Variants in SASH3 observed in about 807,000 individuals in gnomAD.
SASH3 encodes the protein SAM and SH3 domain containing 3.
In SASH3, 7 loss-of-function variants were observed where a neutral mutation model predicts 26.1. The observed-to-expected ratio is 0.27, with a 90% CI of 0.15 to 0.50. The LOEUF is 0.50. Ranked by LOEUF, SASH3 falls within the 20% of genes least tolerant of loss-of-function variation. SASH3 has a pLI of 0.98. For synonymous variants in SASH3, 138 were observed against 136.8 expected, an observed-to-expected ratio of 1.01 and a Z score of -0.06; for missense variants, 231 against 318.3, an observed-to-expected ratio of 0.73 and a Z score of 2.09.
chrX:129,793,222 C>T, intron 7 of SASH3, 83 bp downstream of exon 7: 5 of 1,049,016 alleles, frequency 4.8e-6, no homozygotes, highest in Non-Finnish European at 6.6e-6. Context: ...GCCTTGCCTT[C>T]TGTCCACGCT....
chrX:129,783,862 C>T (rs770222164), intron 1 of SASH3, among the ~76,000 whole-genome samples: 1 of 111,622 alleles, frequency 9.0e-6, no homozygotes, highest in Non-Finnish European at 1.9e-5. Flanking sequence ...CAGTGTGGAC[C>T]TCTGAGAGAT....
chrX:129,793,596 C>T lies in SASH3; in HGVS notation c.953-46C>T, dbSNP rs986672361. ...TGCCTATGGTGTATTTCCCAAGGTC[C>T]CTACCTCCACCCCCATATTCTGTCT... On this transcript the variant is annotated intron_variant, in intron 7 of 7. Coordinates refer to ENST00000356892, the MANE Select transcript of SASH3 (RefSeq NM_018990.4). 2.6e-6 allele frequency: 3 copies of T among 1,173,288 alleles called. No individual in the cohort carries two copies. In the African/African-American group the frequency reaches 5.3e-5, roughly 21 times the overall value.
At chrX:129,792,035 T>C (rs749294945) in intron 4 of SASH3, among the ~76,000 whole-genome samples, 1 of 111,824 alleles carries the variant, frequency 8.9e-6, no homozygotes, top group South Asian at 3.7e-4. Flanking sequence ...GTTGGCCCAG[T>C]TGTTCTCTAG....
chrX:129,794,849 A>G lies in SASH3; in HGVS notation c.*1017A>G, dbSNP rs912147602. The G allele has an allele frequency of 1.8e-5, 2 of 111,508 alleles. No individual in the cohort carries two copies. The highest frequency in any genetic ancestry group is 3.8e-5 in the Non-Finnish European group (2 of 53,078). The allele number at this position is 111,508 out of a possible 1,213,427, so 9.2% of individuals were successfully genotyped here. Reference sequence around the variant, plus strand: ...GTTGGCCACTTGTGTGGGTCCTCACAAGCAAAGAGAGCACTAAACTTGACA... The same window carrying G: ...GTTGGCCACTTGTGTGGGTCCTCACGAGCAAAGAGAGCACTAAACTTGACA... On this transcript the variant is annotated 3_prime_UTR_variant, in exon 8 of 8. Coordinates refer to ENST00000356892, the MANE Select transcript of SASH3 (RefSeq NM_018990.4).
chrX:129,788,367 G>A, intron 2 of SASH3, 64 bp from the exon 3 acceptor site: 3 of 1,163,853 alleles, frequency 2.6e-6, no homozygotes, highest in Non-Finnish European at 3.5e-6. Context: ...GGCCTCTTTT[G>A]CCTCAAGTCC....
chrX:129,785,880 C>T (rs894761057), intron 1 of SASH3, among the ~76,000 whole-genome samples: 2 of 112,724 alleles, frequency 1.8e-5, no homozygotes, highest in East Asian at 2.8e-4. Context: ...ACCCTCTCTC[C>T]GTTCCCTCTT....
At chrX:129,780,412 G>GA (rs1235331483) in intron 1 of SASH3, among the ~76,000 whole-genome samples, 3 of 111,748 alleles carry the variant, frequency 2.7e-5, no homozygotes, top group African/African-American at 9.8e-5. Flanking sequence ...AGAAGAATGG[G>GA]AAAAAAGATC....
chrX:129,784,771 C>G (rs1927077679), intron 1 of SASH3, among the ~76,000 whole-genome samples: 1 of 110,857 alleles, frequency 9.0e-6, no homozygotes. Context: ...CCCTGCCTGT[C>G]ACTACATGCC....
intron 2 of SASH3, 67 bp downstream of exon 2, chrX:129,788,137 G>GGGGGGGGGCCCGGC: frequency 2.8e-6 from 1 of 354,276 alleles, no homozygotes; most frequent in Admixed American, 3.5e-5. Context: ...GGGTGGGAGG[G>GGGGGGGGGCCCGGC]AAGAGGGTGA....
chrX:129,787,228 C>T (rs1347199319), intron 1 of SASH3, among the ~76,000 whole-genome samples: 5 of 112,271 alleles, frequency 4.5e-5, no homozygotes, highest in African/African-American at 6.5e-5. Flanking sequence ...ATAGGTCATG[C>T]CTAAAAGTCC....
chrX:129,780,062 G>A lies in SASH3; in HGVS notation c.-36G>A. ...AGAGGCCTCTGCATCTTGACACCTA[G>A]GAGAGCAGGGACGGAGTCTCCCAGG... is the stretch of plus-strand genomic sequence containing the variant. On this transcript the variant is annotated 5_prime_UTR_variant, in exon 1 of 8. The change abolishes the stop of an existing upstream ORF in the 5' untranslated region. Coordinates refer to ENST00000356892, the MANE Select transcript of SASH3 (RefSeq NM_018990.4). 8.3e-7 allele frequency: 1 copy of A among 1,201,244 alleles called. No homozygotes were observed. Among genetic ancestry groups the A allele is most frequent in the Non-Finnish European group, 1.1e-6 (1 of 886,301 alleles).
chrX:129,790,494 A>G (rs1367209679), intron 3 of SASH3, among the ~76,000 whole-genome samples: 2 of 108,712 alleles, frequency 1.8e-5, no homozygotes, highest in Non-Finnish European at 3.8e-5. Flanking sequence ...TCATTTGTAA[A>G]CTCAGGCCAA....
chrX:129,788,616 G>C, intron 3 of SASH3, 39 bp downstream of exon 3: 1 of 1,173,726 alleles, frequency 8.5e-7, no homozygotes, highest in Non-Finnish European at 1.2e-6. Flanking sequence ...TGTCCAGGGG[G>C]CCTGGGGACC....
Position 129,780,160 on chromosome X carries a change from G to A in SASH3, c.57+6G>A, listed in dbSNP as rs1361823491. 8.3e-7 allele frequency: 1 copy of A among 1,201,254 alleles called. No homozygotes were observed. The highest frequency in any genetic ancestry group is 2.2e-5 in the Admixed American group (1 of 45,449). The stretch of plus-strand genomic sequence containing the variant: ...AGCCCACTCAGAAGAAAAAGGTGAG[G>A]AGCATTTTGGGAACTCACATCTTCC... On this transcript the variant is annotated splice_donor_region_variant and intron_variant, in intron 1 of 7. Transcript: ENST00000356892.
chrX:129,788,133 G>GC, intron 2 of SASH3, 63 bp downstream of exon 2: 8 of 312,595 alleles, frequency 2.6e-5, no homozygotes, highest in East Asian at 1.6e-4. Context: ...GTGGGGGTGG[G>GC]AGGGAAGAGG....
At chrX:129,784,868 A>G (rs936574365) in intron 1 of SASH3, among the ~76,000 whole-genome samples, 2 of 110,143 alleles carry the variant, frequency 1.8e-5, no homozygotes, top group Admixed American at 1.9e-4. Context: ...TACAGGGGGA[A>G]CCATATGGTG....
chrX:129,793,096 G>A lies in SASH3; in HGVS notation c.909G>A (p.Arg303=), dbSNP rs1263019678. 4.1e-6 allele frequency: 5 copies of A among 1,209,635 alleles called. No homozygotes were observed. The highest frequency in any genetic ancestry group is 3.0e-5 in the East Asian group (1 of 33,763). The change falls in exon 7 of 8, where the codon CGG becomes CGA. Residue 303 remains arginine, a synonymous_variant. Coordinates refer to ENST00000356892, the MANE Select transcript of SASH3 (RefSeq NM_018990.4). Reference sequence around the variant, plus strand: ...TGAACATCATGGATCCACAGCACCGGGCCAAGCTGCTCACGGCCGCCGAGC... The same window carrying A: ...TGAACATCATGGATCCACAGCACCGAGCCAAGCTGCTCACGGCCGCCGAGC... ...NELNIMDPQH[R]AKLLTAAELL...
intron 1 of SASH3, among the ~76,000 whole-genome samples, chrX:129,781,651 T>C (rs1927019234): frequency 8.9e-6 from 1 of 112,584 alleles, no homozygotes; most frequent in Non-Finnish European, 1.9e-5. Flanking sequence ...CAGGAAGACG[T>C]ACCTAGGGGC....
At chrX:129,788,137 G>GGGGGGGGGTGGGC in intron 2 of SASH3, 67 bp downstream of exon 2, 1 of 354,267 alleles carries the variant, frequency 2.8e-6, no homozygotes, top group Non-Finnish European at 5.4e-6. Flanking sequence ...GGGTGGGAGG[G>GGGGGGGGGTGGGC]AAGAGGGTGA....
Sources: allele counts gnomAD v4.1 joint callset (sites outside exome capture counted in the v4.1 genomes callset), GRCh38; gene constraint gnomAD v4.1.1; transcripts MANE v1.5; gene names NCBI Gene and HGNC (gene_info 2026-07-23, HGNC 2026-07-21).